The following GLIS3 variants were observed in gnomAD, a reference collection of about 807,000 sequenced individuals.
GLIS3 encodes GLIS family zinc finger 3, also known as zinc finger protein GLIS3.
GLIS3 carries 53 observed loss-of-function variants against 78.6 expected under a neutral mutation model. The observed-to-expected ratio is 0.67, with a 90% CI of 0.54 to 0.85. The LOEUF (loss-of-function observed/expected upper bound fraction) is 0.85, where lower values mean the gene tolerates loss of function less well. Ranked by LOEUF, GLIS3 falls within the 40% of genes least tolerant of loss-of-function variation. The probability of loss-of-function intolerance (pLI) is 0.00; values close to 1 mark genes in which losing one functional copy is unlikely to be tolerated. For synonymous variants in GLIS3, 684 were observed against 509.9 expected, an observed-to-expected ratio of 1.34 and a Z score of -4.60; for missense variants, 1,703 against 1,231.1, an observed-to-expected ratio of 1.38 and a Z score of -5.74.
the GLIS3 span, among the ~76,000 whole-genome samples, chr9:4,482,457 C>T: frequency 2.6e-5 from 4 of 152,264 alleles, no homozygotes; most frequent in East Asian, 1.9e-4. Context: ...TGTCTAGCTG[C>T]GCTGACACCA....
chr9:4,113,176 T>C (rs1056030857), intron 4 of GLIS3, among the ~76,000 whole-genome samples: 1 of 152,160 alleles, frequency 6.6e-6, no homozygotes, highest in African/African-American at 2.4e-5. Flanking sequence ...ATATGTAATA[T>C]ATATATGCGT....
intron 9 of GLIS3, among the ~76,000 whole-genome samples, chr9:3,830,408 G>A (rs1408328331): frequency 6.6e-6 from 1 of 152,088 alleles, no homozygotes; most frequent in East Asian, 1.9e-4. Flanking sequence ...ATTATTGGAG[G>A]GAGCATTGTG....
At chr9:4,408,403 G>C in the GLIS3 span, among the ~76,000 whole-genome samples, 2 of 149,362 alleles carry the variant, frequency 1.3e-5, no homozygotes, top group African/African-American at 2.5e-5. Flanking sequence ...GCGGTAGGGA[G>C]GAAGGTGGGG....
At chr9:4,303,290 C>T (rs73641412), upstream of GLIS3, among the ~76,000 whole-genome samples, 274 of 151,546 alleles carry the variant, frequency 1.8e-3, 2 homozygotes, top group African/African-American at 6.4e-3. Flanking sequence ...CACACACACA[C>T]GAGCTGGCAA....
At chr9:3,833,434 A>G (rs1818164880) in intron 9 of GLIS3, among the ~76,000 whole-genome samples, 1 of 152,246 alleles carries the variant, frequency 6.6e-6, no homozygotes, top group Non-Finnish European at 1.5e-5. Context: ...TGGCTCCTGC[A>G]TTCCAGCGGT....
the GLIS3 span, among the ~76,000 whole-genome samples, chr9:4,363,086 C>A: frequency 1.3e-5 from 2 of 152,136 alleles, no homozygotes; most frequent in East Asian, 3.8e-4. Context: ...ACAGCTTTGA[C>A]TTAGGAAACC....
chr9:3,914,331 A>ATTT (rs35662964), intron 6 of GLIS3, among the ~76,000 whole-genome samples: 2 of 129,152 alleles, frequency 1.5e-5, no homozygotes, highest in African/African-American at 2.9e-5. Context: ...AGATTTTTGG[A>ATTT]TTTTTTTTTT....
chr9:4,317,107 C>A (rs10814930), intron 2 of GLIS3, among the ~76,000 whole-genome samples: 69,194 of 152,056 alleles, frequency 0.46, 18,196 homozygotes, highest in African/African-American at 0.74. Flanking sequence ...CTTTGATATC[C>A]TATTGGCTAA....
rs372526886 is a variant in GLIS3 at position 3,966,925 on chromosome 9, A to G, written c.1711-29736T>C. On this transcript the variant is annotated intron_variant, in intron 4 of 10. Transcript: ENST00000381971. ...ACTCTCACCACAATCCAGTTTTAGA[A>G]CATTCTCATCACCCCAGTGAGATTC... 1.2e-4 allele frequency among the ~76,000 whole-genome samples: 18 copies of G among 150,732 alleles called. No individual in the cohort carries two copies. The East Asian group carries it at 2.5e-3, about 21-fold the overall frequency.
At chr9:4,081,490 T>C (rs567281615) in intron 4 of GLIS3, 13 of 152,340 alleles carry the variant, frequency 8.5e-5, no homozygotes, top group African/African-American at 3.1e-4. Flanking sequence ...TCATTTTCTT[T>C]GCTCTTTATC....
chr9:3,839,354 C>T (rs1368357765), intron 9 of GLIS3, among the ~76,000 whole-genome samples: 1 of 152,168 alleles, frequency 6.6e-6, no homozygotes, highest in South Asian at 2.1e-4. Context: ...AGCAATCACA[C>T]AATCTCCTAC....
Position 4,118,173 on chromosome 9 carries a change from C to T in GLIS3, c.1305G>A (p.Glu435=). ...AGLFKTERLE[E]FPGSTVDLPP... Reference sequence around the variant, plus strand: ...GTAGGTCTACGGTGCTGCCCGGGAACTCCTCCAGGCGTTCGGTCTTGAACA... The same window carrying T: ...GTAGGTCTACGGTGCTGCCCGGGAATTCCTCCAGGCGTTCGGTCTTGAACA... The change falls in exon 4 of 11, where the codon GAG becomes GAA. Residue 435 remains glutamate, a synonymous_variant. Coordinates refer to ENST00000381971, the MANE Select transcript of GLIS3 (RefSeq NM_001042413.2). The surrounding 1 kb of genome is among the most constrained non-coding windows in gnomAD (Gnocchi z 4.7). The T allele has an allele frequency of 6.4e-7, 1 of 1,568,490 alleles. No homozygotes were observed. Among genetic ancestry groups the T allele is most frequent in the Non-Finnish European group, 8.6e-7 (1 of 1,156,902 alleles).
intron 4 of GLIS3, among the ~76,000 whole-genome samples, chr9:3,943,112 G>A (rs1008563691): frequency 6.6e-6 from 1 of 152,106 alleles, no homozygotes. Flanking sequence ...GATGGACTTC[G>A]CATTTGGACA....
At chr9:3,881,274 CT>C (rs569912217) in intron 7 of GLIS3, among the ~76,000 whole-genome samples, 6 of 150,454 alleles carry the variant, frequency 4.0e-5, no homozygotes, top group East Asian at 1.9e-4. Context: ...ACACAGCTAA[CT>C]TTTTTTTTTC....
At chr9:4,167,815 C>T (rs1162480536) in intron 2 of GLIS3, among the ~76,000 whole-genome samples, 1 of 152,230 alleles carries the variant, frequency 6.6e-6, no homozygotes, top group Non-Finnish European at 1.5e-5. Context: ...GACTGGTTTA[C>T]ACGGCACCTA....
intron 2 of GLIS3, among the ~76,000 whole-genome samples, chr9:4,341,608 C>G (rs138098903): frequency 6.6e-6 from 1 of 152,152 alleles, no homozygotes; most frequent in African/African-American, 2.4e-5. Context: ...CCAATGCATC[C>G]AATCCAAGCT....
At chr9:4,029,267 C>A (rs1291077270) in intron 4 of GLIS3, among the ~76,000 whole-genome samples, 1 of 151,580 alleles carries the variant, frequency 6.6e-6, no homozygotes, top group Non-Finnish European at 1.5e-5. Context: ...TTAGAAATTC[C>A]AGCAGACCTT....
intron 4 of GLIS3, among the ~76,000 whole-genome samples, chr9:4,004,986 C>T (rs1448629482): frequency 1.3e-5 from 2 of 152,186 alleles, no homozygotes; most frequent in Non-Finnish European, 2.9e-5. Context: ...TTAAATTCTA[C>T]AGCTCCTCAA....
At chr9:4,183,549 C>T (rs138372194) in intron 2 of GLIS3, among the ~76,000 whole-genome samples, 1 of 152,276 alleles carries the variant, frequency 6.6e-6, no homozygotes, top group African/African-American at 2.4e-5. Context: ...GCCCTAGTTC[C>T]TTGACTCCAA....
Sources: allele counts gnomAD v4.1 joint callset (sites outside exome capture counted in the v4.1 genomes callset), GRCh38; gene constraint gnomAD v4.1.1; non-coding constraint Gnocchi (gnomAD v3.1); transcripts MANE v1.5; gene names NCBI Gene and HGNC (gene_info 2026-07-23, HGNC 2026-07-21).